Variants in FRMPD3 observed in about 807,000 individuals in gnomAD.
The protein encoded by FRMPD3 is FERM and PDZ domain containing 3.
Under a neutral mutation model 97.9 loss-of-function variants are expected in FRMPD3, and 42 were observed. The observed-to-expected ratio is 0.43, with a 90% CI of 0.34 to 0.55. The LOEUF (loss-of-function observed/expected upper bound fraction) is 0.55, where lower values mean the gene tolerates loss of function less well. Among genes scored for constraint, FRMPD3 ranks in the 20% least tolerant of loss-of-function variants. FRMPD3 has a pLI of 0.03. For synonymous variants in FRMPD3, 577 were observed against 581.1 expected, an observed-to-expected ratio of 0.99 and a Z score of 0.10; for missense variants, 1,303 against 1,457.7, an observed-to-expected ratio of 0.89 and a Z score of 1.73.
intron 4 of FRMPD3, among the ~76,000 whole-genome samples, chrX:107,534,981 C>CT (rs1923155278): frequency 8.9e-6 from 1 of 112,408 alleles, no homozygotes; most frequent in African/African-American, 3.2e-5. Flanking sequence ...CTCCCCACCA[C>CT]TTTGCTGCAT....
At chrX:107,564,578 C>T (rs1390608066) in intron 11 of FRMPD3, among the ~76,000 whole-genome samples, 2 of 112,180 alleles carry the variant, frequency 1.8e-5, no homozygotes, top group East Asian at 5.6e-4. Context: ...GCTCCAAAGG[C>T]CCCCAAACAA....
chrX:107,576,171 T>C lies in FRMPD3; in HGVS notation c.1297-144T>C, dbSNP rs1923107331. 1.3e-5 allele frequency: 7 copies of C among 548,187 alleles called. No homozygotes were observed. The Admixed American group carries it at 2.3e-4, about 18-fold the overall frequency. 45.2% of individuals were successfully genotyped at this position (548,187 alleles called of 1,213,427 possible). On this transcript the variant is annotated intron_variant, in intron 12 of 14. Coordinates refer to ENST00000683843, the MANE Select transcript of FRMPD3 (RefSeq NM_001388459.1). ...TTCTCAAATCAGAATAAACTATTTG[T>C]CAAGCCATGTGCCTCAATTTTTGGT... is the stretch of plus-strand genomic sequence containing the variant.
intron 8 of FRMPD3, among the ~76,000 whole-genome samples, chrX:107,557,664 C>CGT (rs760760257): frequency 0.022 from 1,925 of 87,088 alleles, 17 homozygotes; most frequent in Middle Eastern, 0.028. Flanking sequence ...ATCAAAGTTT[C>CGT]GTGTGTGTGT....
intron 4 of FRMPD3, among the ~76,000 whole-genome samples, chrX:107,536,156 A>G: frequency 9.0e-6 from 1 of 111,423 alleles, no homozygotes. Flanking sequence ...ATTTGAGATC[A>G]GCCTGAACAA....
At chrX:107,495,001 G>A (rs1921740692) in intron 1 of FRMPD3, among the ~76,000 whole-genome samples, 1 of 112,615 alleles carries the variant, frequency 8.9e-6, no homozygotes, top group African/African-American at 3.2e-5. Context: ...CAGCAAGCAA[G>A]TGTCGTTAAG....
At chrX:107,527,943 A>G (rs1018697900) in intron 2 of FRMPD3, among the ~76,000 whole-genome samples, 94 of 111,689 alleles carry the variant, frequency 8.4e-4, no homozygotes, top group African/African-American at 3.0e-3. Context: ...ATCTCTGATC[A>G]GAAATCAGAG....
intron 2 of FRMPD3, among the ~76,000 whole-genome samples, chrX:107,527,695 A>G (rs1250577880): frequency 1.8e-5 from 2 of 112,660 alleles, no homozygotes; most frequent in Non-Finnish European, 3.7e-5. Context: ...TTAGATGTTT[A>G]CAACAGTTTC....
chrX:107,552,282 CCA>C (rs2147583486), intron 6 of FRMPD3, among the ~76,000 whole-genome samples: 1 of 111,985 alleles, frequency 8.9e-6, no homozygotes, highest in African/African-American at 3.2e-5. Flanking sequence ...GAACATTTTG[CCA>C]GTAACTCAAG....
At chrX:107,530,645 T>C (rs1180537796) in intron 3 of FRMPD3, 134 bp downstream of exon 3, 4 of 469,412 alleles carry the variant, frequency 8.5e-6, no homozygotes, top group Non-Finnish European at 1.5e-5. Context: ...AGAGGGCTCC[T>C]GGCTAACCCA....
intron 1 of FRMPD3, among the ~76,000 whole-genome samples, chrX:107,473,356 T>A (rs191086805): frequency 1.3e-3 from 141 of 112,372 alleles, no homozygotes; most frequent in African/African-American, 4.0e-3. Flanking sequence ...AACCTTTCAG[T>A]TGGCGGCCAT....
At chrX:107,471,593 T>C (rs1379070132) in intron 1 of FRMPD3, among the ~76,000 whole-genome samples, 3 of 111,724 alleles carry the variant, frequency 2.7e-5, no homozygotes, top group Non-Finnish European at 5.6e-5. Context: ...GAATGATGGC[T>C]TCTAGCTTCA....
At chrX:107,470,505 T>G (rs1455317513) in intron 1 of FRMPD3, among the ~76,000 whole-genome samples, 1 of 112,386 alleles carries the variant, frequency 8.9e-6, no homozygotes, top group Non-Finnish European at 1.9e-5. Flanking sequence ...TGTGGCATGA[T>G]TGATGAGACA....
chrX:107,563,035 C>A, intron 10 of FRMPD3, 76 bp from the exon 11 acceptor site: 1 of 781,058 alleles, frequency 1.3e-6, no homozygotes, highest in Non-Finnish European at 1.9e-6. Context: ...GATGTTGAGA[C>A]TCCTCGTTGA....
chrX:107,564,836 C>T (rs1246218650), intron 11 of FRMPD3, 51 bp from the exon 12 acceptor site: 8 of 1,167,882 alleles, frequency 6.9e-6, no homozygotes, highest in Admixed American at 2.2e-5. Flanking sequence ...CCTCTCCCCA[C>T]CTCCTCCACC....
rs865862431 is a variant in FRMPD3 at position 107,526,592 on chromosome X, C to T, written c.4C>T (p.Gln2Ter). Residue 2 changes from glutamine to a stop codon, truncating the protein, a stop_gained, in exon 2 of 15, where the codon CAG becomes TAG. Coordinates refer to ENST00000683843, the MANE Select transcript of FRMPD3 (RefSeq NM_001388459.1). LOFTEE classifies it high-confidence loss of function. M[Q>*]EESANDMECE... is the part of the protein sequence containing the mutation. ...TTCCCTTTTCCCCAGTCATGTGATG[C>T]AGGAAGAGAGCGCAAATGATATGGA... 3 of 1,193,206 alleles carry T rather than the reference C, an allele frequency of 2.5e-6. No homozygotes were observed. Among genetic ancestry groups the T allele is most frequent in the African/African-American group, 3.5e-5 (2 of 56,357 alleles).
intron 4 of FRMPD3, among the ~76,000 whole-genome samples, chrX:107,540,748 G>A (rs1921256710): frequency 8.9e-6 from 1 of 111,857 alleles, no homozygotes; most frequent in Admixed American, 9.5e-5. Flanking sequence ...CAGCCTTAAG[G>A]TGCTCAATTA....
At chrX:107,540,131 C>T (rs1049789697) in intron 4 of FRMPD3, among the ~76,000 whole-genome samples, 2 of 111,059 alleles carry the variant, frequency 1.8e-5, no homozygotes, top group Non-Finnish European at 3.8e-5. Flanking sequence ...TAGTTTGTGG[C>T]GGGCTTTGGA....
In FRMPD3 at chrX:107,583,139, C is replaced by T. The variant is rs746730735; in HGVS notation, c.1441+6680C>T. On this transcript the variant is annotated intron_variant, in intron 13 of 14. Transcript: ENST00000683843. ...TTTTTTTTCTTTTTACTTTAAGTTC[C>T]GGGATACATGTGCAGAATGTGCAGG... Among the ~76,000 whole-genome samples the T allele has an allele frequency of 2.4e-4, 25 of 105,602 alleles. 1 individual carries two copies. Among genetic ancestry groups the T allele is most frequent in the African/African-American group, 7.0e-4 (20 of 28,686 alleles). The allele number at this position is 105,602 out of a possible 115,157, so 91.7% of individuals were successfully genotyped here. A position where few individuals can be genotyped will look rare whatever the true frequency, so the allele number is the denominator to read the frequency against.
chrX:107,600,451 C>T lies in FRMPD3; in HGVS notation c.2412C>T (p.Asn804=). Residue 804 remains asparagine, a synonymous_variant, in exon 15 of 15, where the codon AAC becomes AAT. Coordinates refer to ENST00000683843, the MANE Select transcript of FRMPD3 (RefSeq NM_001388459.1). ...CCTACTTCCTGGCCCAGCACCTCAACAAGGACAGCCTCCTTGCCCGCAAGG... is the reference window on the plus strand; with the variant it reads ...CCTACTTCCTGGCCCAGCACCTCAATAAGGACAGCCTCCTTGCCCGCAAGG... The part of the protein sequence containing the change: ...NTTYFLAQHL[N]KDSLLARKDL... 1 of 1,210,678 alleles carries T rather than the reference C, an allele frequency of 8.3e-7. No homozygotes were observed. The highest frequency in any genetic ancestry group is 1.1e-6 in the Non-Finnish European group (1 of 895,284).
Sources: allele counts gnomAD v4.1 joint callset (sites outside exome capture counted in the v4.1 genomes callset), GRCh38; gene constraint gnomAD v4.1.1; transcripts MANE v1.5; gene names NCBI Gene and HGNC (gene_info 2026-07-23, HGNC 2026-07-21).